The following KAT6B variants were observed in gnomAD, a reference collection of about 807,000 sequenced individuals.
KAT6B encodes histone acetyltransferase KAT6B.
KAT6B carries 10 observed loss-of-function variants against 187.5 expected under a neutral mutation model. The ratio of observed to expected loss-of-function variants is 0.05; its 90% CI spans 0.03 to 0.09. The LOEUF is 0.09. KAT6B is among the 10% of genes least tolerant of loss of function. KAT6B has a pLI of 1.00. For missense variants in KAT6B, 1,952 were observed against 2,558.9 expected (o/e 0.76, Z 5.12); for synonymous variants, 861 against 926.8 (o/e 0.93, Z 1.29).
intron 3 of KAT6B, among the ~76,000 whole-genome samples, chr10:74,874,410 T>C (rs533750172): frequency 6.6e-6 from 1 of 152,104 alleles, no homozygotes; most frequent in Non-Finnish European, 1.5e-5. Flanking sequence ...GACAGAGTCT[T>C]GCTCTGTCGC....
At chr10:74,944,602 G>A (rs952431193) in intron 3 of KAT6B, among the ~76,000 whole-genome samples, 1 of 152,114 alleles carries the variant, frequency 6.6e-6, no homozygotes, top group South Asian at 2.1e-4. Flanking sequence ...GAGGTCAAGA[G>A]ATCGAGACCA....
intron 3 of KAT6B, among the ~76,000 whole-genome samples, chr10:74,866,000 A>G (rs1468055320): frequency 6.6e-6 from 1 of 152,082 alleles, no homozygotes; most frequent in Non-Finnish European, 1.5e-5. Context: ...TGCAAAATGC[A>G]CACATACAGA....
At chr10:74,853,413 C>G (rs776416910) in intron 3 of KAT6B, among the ~76,000 whole-genome samples, 1 of 151,722 alleles carries the variant, frequency 6.6e-6, no homozygotes, top group Non-Finnish European at 1.5e-5. Context: ...CCCACCTCAG[C>G]CCCCCAAGTA....
At chr10:74,905,129 C>A (rs1322870478) in intron 3 of KAT6B, among the ~76,000 whole-genome samples, 1 of 152,106 alleles carries the variant, frequency 6.6e-6, no homozygotes, top group Non-Finnish European at 1.5e-5. Context: ...AAAAGTGAAG[C>A]AATTAAAAAT....
intron 16 of KAT6B, 89 bp downstream of exon 16, chr10:75,022,320 C>G: frequency 2.1e-6 from 3 of 1,432,090 alleles, no homozygotes; most frequent in Non-Finnish European, 3.0e-6. Flanking sequence ...ATTTGTTTCA[C>G]TCTCTGTTCT....
At chr10:74,833,197 G>A (rs1427687224) in intron 1 of KAT6B, among the ~76,000 whole-genome samples, 1 of 145,644 alleles carries the variant, frequency 6.9e-6, no homozygotes, top group Non-Finnish European at 1.5e-5. Context: ...CTCGGTCTTT[G>A]TCATCAAAAA....
At chr10:74,839,532 A>G (rs992476581) in intron 2 of KAT6B, among the ~76,000 whole-genome samples, 5 of 152,050 alleles carry the variant, frequency 3.3e-5, no homozygotes, top group African/African-American at 7.2e-5. Flanking sequence ...ACGCCCGGCT[A>G]TGCATTTTGT....
At chr10:74,856,134 G>C (rs1842806097) in intron 3 of KAT6B, among the ~76,000 whole-genome samples, 1 of 152,076 alleles carries the variant, frequency 6.6e-6, no homozygotes, top group Non-Finnish European at 1.5e-5. Flanking sequence ...TGCCCAGGCT[G>C]GGGTGCAGTG....
chr10:74,868,570 C>T (rs1405777366), intron 3 of KAT6B, among the ~76,000 whole-genome samples: 1 of 152,100 alleles, frequency 6.6e-6, no homozygotes, highest in Non-Finnish European at 1.5e-5. Context: ...AGTTGATTTG[C>T]TTATTGTCAG....
chr10:74,976,937 C>T lies in KAT6B; in HGVS notation c.1994-379C>T, dbSNP rs546346124. The T allele has an allele frequency of 7.0e-4, 194 of 278,332 alleles. 2 individuals carry two copies. The highest frequency in any genetic ancestry group is 6.8e-3 in the South Asian group (183 of 26,850). 17.2% of individuals were successfully genotyped at this position (278,332 alleles called of 1,614,324 possible). A position where few individuals can be genotyped will look rare whatever the true frequency, so the allele number is the denominator to read the frequency against. On this transcript the variant is annotated intron_variant, in intron 8 of 17. Transcript: ENST00000287239. ...TTGCTACCCTTTATCAAACAAAAAC[C>T]GAAACTGTGTCATTTGGACAAAGTG...
At chr10:74,996,508 C>T (rs1014622214) in intron 13 of KAT6B, among the ~76,000 whole-genome samples, 4 of 151,880 alleles carry the variant, frequency 2.6e-5, no homozygotes, top group African/African-American at 4.8e-5. Flanking sequence ...CGGTGGCTCA[C>T]GCCTGTAATC....
intron 3 of KAT6B, among the ~76,000 whole-genome samples, chr10:74,899,986 A>G (rs1043154154): frequency 1.3e-5 from 2 of 152,230 alleles, no homozygotes; most frequent in Non-Finnish European, 2.9e-5. Flanking sequence ...TCTATAGTGT[A>G]TAAGTAAGTT....
At chr10:75,003,878 C>T (rs1174229210) in intron 13 of KAT6B, among the ~76,000 whole-genome samples, 1 of 152,026 alleles carries the variant, frequency 6.6e-6, no homozygotes. Flanking sequence ...TTAAGCTAAG[C>T]TTGTCATAAA....
At chr10:74,941,032 C>T (rs1849635312) in intron 3 of KAT6B, among the ~76,000 whole-genome samples, 1 of 152,148 alleles carries the variant, frequency 6.6e-6, no homozygotes, top group Admixed American at 6.5e-5. Context: ...TAGGCATGTG[C>T]ATTTTTTTTA....
intron 3 of KAT6B, among the ~76,000 whole-genome samples, chr10:74,855,548 C>T (rs1842761799): frequency 6.6e-6 from 1 of 152,138 alleles, no homozygotes; most frequent in Non-Finnish European, 1.5e-5. Flanking sequence ...CAAAACCCAG[C>T]TTTAGCTGTT....
intron 3 of KAT6B, among the ~76,000 whole-genome samples, chr10:74,851,333 ATT>A (rs1212836217): frequency 2.8e-4 from 36 of 128,220 alleles, no homozygotes; most frequent in Admixed American, 4.0e-4. Context: ...GATAAGAATG[ATT>A]TTTTTTTTTT....
At chr10:74,968,016 A>G (rs933796331) in intron 4 of KAT6B, among the ~76,000 whole-genome samples, 1 of 152,150 alleles carries the variant, frequency 6.6e-6, no homozygotes, top group African/African-American at 2.4e-5. Context: ...TTTTAAGCTG[A>G]TGGGATCCAT....
intron 3 of KAT6B, among the ~76,000 whole-genome samples, chr10:74,959,641 T>C (rs1347085354): frequency 6.6e-6 from 1 of 152,010 alleles, no homozygotes; most frequent in Non-Finnish European, 1.5e-5. Flanking sequence ...ATACAAAAAA[T>C]TAGCCAGGCA....
intron 3 of KAT6B, among the ~76,000 whole-genome samples, chr10:74,942,350 A>G (rs1369295976): frequency 1.3e-5 from 2 of 152,216 alleles, no homozygotes; most frequent in African/African-American, 2.4e-5. Context: ...AAGCAAATAT[A>G]TGATCATCTT....
Sources: allele counts gnomAD v4.1 joint callset (sites outside exome capture counted in the v4.1 genomes callset), GRCh38; gene constraint gnomAD v4.1.1; transcripts MANE v1.5; gene names NCBI Gene and HGNC (gene_info 2026-07-23, HGNC 2026-07-21).